Variants in DIXDC1 observed in about 807,000 individuals in gnomAD.
DIXDC1 encodes dixin.
In DIXDC1, 64 loss-of-function variants were observed where a neutral mutation model predicts 103.1. The observed-to-expected ratio is 0.62, with a 90% CI of 0.51 to 0.76. DIXDC1 has a LOEUF of 0.76. DIXDC1 is among the 30% of genes least tolerant of loss of function. The pLI, the probability that DIXDC1 is intolerant of heterozygous loss-of-function variation, is 0.00. For missense variants in DIXDC1, 759 were observed against 834.2 expected (o/e 0.91, Z 1.11); for synonymous variants, 266 against 298.5 (o/e 0.89, Z 1.12).
At chr11:111,932,378 T>G (rs1221355969), upstream of DIXDC1, among the ~76,000 whole-genome samples, 1 of 150,764 alleles carries the variant, frequency 6.6e-6, no homozygotes, top group Non-Finnish European at 1.5e-5. Flanking sequence ...TAAAACTTCA[T>G]GTGAAAAAAG....
At chr11:111,932,388 GA>G (rs201166525), upstream of DIXDC1, among the ~76,000 whole-genome samples, 1,381 of 150,430 alleles carry the variant, frequency 9.2e-3, 19 homozygotes, top group African/African-American at 0.031. Context: ...TGTGAAAAAA[GA>G]AAAAAAATCC....
At chr11:111,927,797 A>AC (rs1345910041) in intron 1 of DIXDC1, among the ~76,000 whole-genome samples, 1 of 151,036 alleles carries the variant, frequency 6.6e-6, no homozygotes, top group Non-Finnish European at 1.5e-5. Context: ...CGGGCGGATC[A>AC]CTGAGGTCTG....
chr11:111,964,689 C>T lies in DIXDC1; in HGVS notation c.190+11C>T, dbSNP rs1227844539. The T allele has an allele frequency of 1.3e-6, 2 of 1,594,972 alleles. No individual in the cohort carries two copies. Among genetic ancestry groups the T allele is most frequent in the Non-Finnish European group, 1.7e-6 (2 of 1,171,614 alleles). On this transcript the variant is annotated intron_variant, in intron 2 of 19. Transcript: ENST00000440460. ...TCATCGAGATTGTTGGTCAGTTGGC[C>T]CTGGACTCTGATACTAGAGTACATA...
At chr11:112,003,431 A>C (rs141104019) in intron 17 of DIXDC1, among the ~76,000 whole-genome samples, 393 of 150,252 alleles carry the variant, frequency 2.6e-3, no homozygotes, top group African/African-American at 9.0e-3. Context: ...TGGGAGACAG[A>C]GTGAGACTGT....
intron 17 of DIXDC1, among the ~76,000 whole-genome samples, chr11:112,008,049 C>A (rs1251456266): frequency 6.6e-6 from 1 of 150,786 alleles, no homozygotes; most frequent in Non-Finnish European, 1.5e-5. Flanking sequence ...GTGTGCTGTA[C>A]TCAGGAGACC....
intron 17 of DIXDC1, among the ~76,000 whole-genome samples, chr11:112,004,566 G>A (rs148992420): frequency 2.0e-5 from 3 of 152,280 alleles, no homozygotes; most frequent in East Asian, 1.9e-4. Flanking sequence ...CTGGGGCTGC[G>A]TCAGGACAAC....
chr11:111,927,903 C>T (rs1413685343), intron 1 of DIXDC1, among the ~76,000 whole-genome samples: 1 of 150,464 alleles, frequency 6.6e-6, no homozygotes, highest in Non-Finnish European at 1.5e-5. Flanking sequence ...GTAATCCCAG[C>T]TACTCAGGAG....
intron 17 of DIXDC1, among the ~76,000 whole-genome samples, chr11:112,014,541 C>A (rs889189017): frequency 2.6e-5 from 4 of 152,206 alleles, no homozygotes; most frequent in African/African-American, 7.2e-5. Context: ...ACCATGGGCC[C>A]TTCCTGACCT....
At chr11:111,969,526 G>A (rs1429042305) in intron 3 of DIXDC1, among the ~76,000 whole-genome samples, 1 of 152,102 alleles carries the variant, frequency 6.6e-6, no homozygotes, top group African/African-American at 2.4e-5. Context: ...CTCTTCTGTA[G>A]TGGCTTGGCC....
rs782806270 is a variant in DIXDC1 at position 112,017,908 on chromosome 11, G to A, written c.1971+23G>A. 6.4e-7 allele frequency: 1 copy of A among 1,571,604 alleles called. No individual in the cohort carries two copies. The highest frequency in any genetic ancestry group is 1.3e-5 in the African/African-American group (1 of 74,286). On this transcript the variant is annotated intron_variant, in intron 19 of 19. Coordinates refer to ENST00000440460, the MANE Select transcript of DIXDC1 (RefSeq NM_001037954.4). This position sits in a 1 kb window ranked among gnomAD's most constrained non-coding sequence, Gnocchi z 4.0. ...GAGGTAAAGAATCTGTGGGGAGTCT[G>A]TATGGTATTATTGGTCCTTTCTGAA...
At chr11:111,995,923 A>G (rs1401052563) in intron 16 of DIXDC1, among the ~76,000 whole-genome samples, 157 bp from the exon 17 acceptor site, 2 of 152,204 alleles carry the variant, frequency 1.3e-5, no homozygotes, top group African/African-American at 2.4e-5. Context: ...CCTTTCATAT[A>G]TATTATTATT....
In DIXDC1 at chr11:111,996,034, T is replaced by C. The variant is rs1555175360; in HGVS notation, c.1690-46T>C. ...TTATGATTTAAATTTCTTGGTTAAG[T>C]TCTCTCATTGATCATAACTCTTGTG... On this transcript the variant is annotated intron_variant, in intron 16 of 19. Transcript: ENST00000440460. 3 of 1,581,706 alleles carry C rather than the reference T, an allele frequency of 1.9e-6. No homozygotes were observed. The East Asian group carries it at 6.7e-5, about 35-fold the overall frequency.
chr11:111,935,991 C>T (rs1320851935), upstream of DIXDC1, among the ~76,000 whole-genome samples: 1 of 152,204 alleles, frequency 6.6e-6, no homozygotes, highest in Non-Finnish European at 1.5e-5. Flanking sequence ...CCTGGCTGCT[C>T]TTGGTGGATT....
chr11:111,974,196 G>A lies in DIXDC1; in HGVS notation c.490G>A (p.Ala164Thr). 1 of 1,613,970 alleles carries A rather than the reference G, an allele frequency of 6.2e-7. No homozygotes were observed. The highest frequency in any genetic ancestry group is 8.5e-7 in the Non-Finnish European group (1 of 1,179,878). ...TGCCCAGGGAGCAGCTGCTGCTCTGGCCGATGTGTGTCATGACATGTCCCG... is the reference window on the plus strand; with the variant it reads ...TGCCCAGGGAGCAGCTGCTGCTCTGACCGATGTGTGTCATGACATGTCCCG... ...AVAQGAAAAL[A>T]DVCHDMSRSG... The change falls in exon 4 of 20, where the codon GCC becomes ACC. Residue 164 changes from alanine (A) to threonine (T), a missense_variant. Ala to Thr is a moderately conservative substitution (Grantham distance 58). This residue lies in a region of DIXDC1 where 657 missense variants were observed against 727.5 expected (regional missense o/e 0.90). Coordinates refer to ENST00000440460, the MANE Select transcript of DIXDC1 (RefSeq NM_001037954.4).
chr11:111,927,818 C>A (rs1361918777), intron 1 of DIXDC1, among the ~76,000 whole-genome samples: 2 of 151,486 alleles, frequency 1.3e-5, no homozygotes, highest in Non-Finnish European at 2.9e-5. Flanking sequence ...GAGTTCGAGA[C>A]CAGCCTGGCG....
chr11:112,000,753 A>C (rs1252530413), intron 17 of DIXDC1, among the ~76,000 whole-genome samples: 1 of 152,076 alleles, frequency 6.6e-6, no homozygotes, highest in East Asian at 1.9e-4. Context: ...ATTAGTCATT[A>C]GGGGAATGCA....
intron 2 of DIXDC1, among the ~76,000 whole-genome samples, chr11:111,964,883 G>A (rs1592571640): frequency 6.6e-6 from 1 of 152,078 alleles, no homozygotes; most frequent in Admixed American, 6.5e-5. Context: ...TTATGCTTTG[G>A]GAATATGAGG....
At chr11:111,941,610 G>A (rs1169645615) in intron 1 of DIXDC1, among the ~76,000 whole-genome samples, 6 of 151,990 alleles carry the variant, frequency 3.9e-5, no homozygotes, top group African/African-American at 1.5e-4. Flanking sequence ...GAGCCCGGGA[G>A]TTCAAGACCA....
rs587661794 is a variant in DIXDC1 at position 111,989,937 on chromosome 11, C to T, written c.1113+882C>T. On this transcript the variant is annotated intron_variant, in intron 10 of 19. Transcript: ENST00000440460. ...CCAAGTAGCTGGGTCTACAGGTGCC[C>T]GCCACCACGCCCGGCTAATTTTTTG... Among the ~76,000 whole-genome samples, 15 of 150,104 alleles carry T rather than the reference C, an allele frequency of 1.0e-4. 1 individual carries two copies. The South Asian group carries it at 1.7e-3, about 17-fold the overall frequency.
Sources: allele counts gnomAD v4.1 joint callset (sites outside exome capture counted in the v4.1 genomes callset), GRCh38; gene constraint gnomAD v4.1.1; regional missense constraint gnomAD v4.1.1; non-coding constraint Gnocchi (gnomAD v3.1); transcripts MANE v1.5; gene names NCBI Gene and HGNC (gene_info 2026-07-23, HGNC 2026-07-21).